Variants in LSM12 observed in about 807,000 individuals in gnomAD.
LSM12 encodes LSM12 homolog, also known as protein LSM12.
For missense variants in LSM12, 108 were observed against 238.9 expected, an observed-to-expected ratio of 0.45 and a Z score of 3.61; for synonymous variants, 74 against 87.3, an observed-to-expected ratio of 0.85 and a Z score of 0.85.
chr17:44,049,086 G>A (rs2049608866), intron 2 of LSM12, among the ~76,000 whole-genome samples: 1 of 152,150 alleles, frequency 6.6e-6, no homozygotes, highest in Non-Finnish European at 1.5e-5. Flanking sequence ...AGCTACTTGG[G>A]AGGCTGAGGC....
At chr17:44,052,536 A>AT (rs1338449850) in intron 2 of LSM12, among the ~76,000 whole-genome samples, 1 of 152,082 alleles carries the variant, frequency 6.6e-6, no homozygotes, top group Non-Finnish European at 1.5e-5. Context: ...AGGCAGGCGG[A>AT]TCATGTGAGG....
At chr17:44,043,620 A>G (rs2049524369) in intron 2 of LSM12, among the ~76,000 whole-genome samples, 1 of 144,926 alleles carries the variant, frequency 6.9e-6, no homozygotes, top group Admixed American at 7.3e-5. Flanking sequence ...ATCTCAGCTC[A>G]CTGCAACCTA....
intron 2 of LSM12, among the ~76,000 whole-genome samples, chr17:44,059,020 C>T (rs780498747): frequency 2.6e-5 from 4 of 151,906 alleles, no homozygotes; most frequent in African/African-American, 4.8e-5. Context: ...AAAACAACCA[C>T]CCAGGTGTGG....
rs1427308826 is a variant in LSM12 at position 44,055,097 on chromosome 17, G to A, written c.258+8704C>T. 3.3e-5 allele frequency among the ~76,000 whole-genome samples: 5 copies of A among 151,172 alleles called. No homozygotes were observed. The East Asian group carries it at 5.9e-4, about 18-fold the overall frequency. ...AAACTCCTGACTTTGTGATCTGCCCGCCTCGGCCTCCCAAAGTGCTGGGAT... is the reference window on the plus strand; with the variant it reads ...AAACTCCTGACTTTGTGATCTGCCCACCTCGGCCTCCCAAAGTGCTGGGAT... On this transcript the variant is annotated intron_variant, in intron 2 of 4. Coordinates refer to ENST00000293406, the MANE Select transcript of LSM12 (RefSeq NM_001371445.1).
chr17:44,051,113 A>T (rs2049637531), intron 2 of LSM12, among the ~76,000 whole-genome samples: 1 of 152,070 alleles, frequency 6.6e-6, no homozygotes, highest in African/African-American at 2.4e-5. Context: ...CTCTACTAAA[A>T]ATACAAAAAT....
intron 2 of LSM12, among the ~76,000 whole-genome samples, chr17:44,051,389 CAAA>C (rs57974319): frequency 1.5e-4 from 17 of 114,956 alleles, no homozygotes; most frequent in African/African-American, 6.1e-4. Context: ...GACTCCGTCT[CAAA>C]AAAAAAAAAA....
rs566589300 is a variant in LSM12, at chr17:44,063,840, T to G, written c.219A>C (p.Thr73=). 6.2e-7 allele frequency: 1 copy of G among 1,614,068 alleles called. No individual in the cohort carries two copies. The highest frequency in any genetic ancestry group is 1.1e-5 in the South Asian group (1 of 91,080). ...VSEVEIINDR[T]ETPPPLASLN... ...GTGAAGCTAGGGGAGGAGGGGTTTC[T>G]GTTCGGTCATTAATTATTTCCACTT... The change falls in exon 2 of 5, where the codon ACA becomes ACC. Residue 73 remains threonine, a synonymous_variant. Transcript: ENST00000293406.
intron 4 of LSM12, 65 bp downstream of exon 4, chr17:44,037,347 G>A: frequency 6.6e-7 from 1 of 1,508,590 alleles, no homozygotes; most frequent in Non-Finnish European, 8.8e-7. Context: ...CTGGTCTGGT[G>A]CTAAAGACTG....
intron 2 of LSM12, among the ~76,000 whole-genome samples, chr17:44,051,459 G>A (rs958704038): frequency 1.3e-5 from 2 of 150,916 alleles, no homozygotes; most frequent in African/African-American, 2.4e-5. Flanking sequence ...CCAGCTTCTC[G>A]GGAGCCTAGC....
At chr17:44,061,549 G>T (rs1008083576) in intron 2 of LSM12, among the ~76,000 whole-genome samples, 1 of 152,118 alleles carries the variant, frequency 6.6e-6, no homozygotes, top group Non-Finnish European at 1.5e-5. Flanking sequence ...AAAATGTGTG[G>T]CATTTCCCTA....
At chr17:44,039,181 A>G (rs912091262) in intron 3 of LSM12, among the ~76,000 whole-genome samples, 1 of 151,874 alleles carries the variant, frequency 6.6e-6, no homozygotes, top group Non-Finnish European at 1.5e-5. Flanking sequence ...CAGCCTCCTA[A>G]GTGGCTGGGA....
At chr17:44,054,509 T>C (rs1018084297) in intron 2 of LSM12, among the ~76,000 whole-genome samples, 1 of 152,174 alleles carries the variant, frequency 6.6e-6, no homozygotes, top group Non-Finnish European at 1.5e-5. Context: ...AGGGTCTATG[T>C]TGCCCATGCT....
intron 2 of LSM12, among the ~76,000 whole-genome samples, chr17:44,056,335 A>G (rs1307096649): frequency 6.7e-6 from 1 of 148,466 alleles, no homozygotes; most frequent in African/African-American, 2.5e-5. Flanking sequence ...TGGGCACAGT[A>G]GCTCACTCCT....
At chr17:44,049,191 A>AAAC (rs369527650) in intron 2 of LSM12, among the ~76,000 whole-genome samples, 6 of 152,024 alleles carry the variant, frequency 3.9e-5, no homozygotes, top group South Asian at 4.2e-4. Context: ...TGTCTTTAAA[A>AAAC]AACAACAACA....
intron 2 of LSM12, among the ~76,000 whole-genome samples, chr17:44,041,118 A>G (rs765175606): frequency 4.7e-4 from 71 of 151,772 alleles, no homozygotes; most frequent in Non-Finnish European, 6.5e-4. Context: ...TAAAATTACA[A>G]AAATTAGCCG....
At chr17:44,052,575 A>G (rs2049660067) in intron 2 of LSM12, among the ~76,000 whole-genome samples, 1 of 152,006 alleles carries the variant, frequency 6.6e-6, no homozygotes, top group South Asian at 2.1e-4. Flanking sequence ...CCTGCCCAAC[A>G]TGGTGAAACC....
At chr17:44,058,684 T>C (rs1447773459) in intron 2 of LSM12, among the ~76,000 whole-genome samples, 1 of 151,850 alleles carries the variant, frequency 6.6e-6, no homozygotes, top group African/African-American at 2.4e-5. Flanking sequence ...TACAAAAAAT[T>C]AGCCAGGCAT....
chr17:44,062,147 G>A (rs927950031), intron 2 of LSM12, among the ~76,000 whole-genome samples: 5 of 151,476 alleles, frequency 3.3e-5, no homozygotes, highest in Admixed American at 6.6e-5. Context: ...GCATGAACCC[G>A]GGAGGCGGAG....
chr17:44,063,234 TAC>T (rs963108737), intron 2 of LSM12, among the ~76,000 whole-genome samples: 1 of 152,136 alleles, frequency 6.6e-6, no homozygotes, highest in Non-Finnish European at 1.5e-5. Context: ...GTCTCACACA[TAC>T]ACACACAAAA....
Sources: gnomAD v4.1 joint callset for allele counts (sites outside exome capture counted in the v4.1 genomes callset) on GRCh38, gnomAD v4.1.1 for gene constraint, MANE v1.5 for transcripts, NCBI Gene and HGNC (gene_info 2026-07-23, HGNC 2026-07-21) for gene names.